Variants in SEMA6D observed in about 807,000 individuals in gnomAD.
The protein encoded by SEMA6D is semaphorin 6D.
A neutral mutation model predicts 106.6 loss-of-function variants in SEMA6D; 35 were observed. The observed-to-expected ratio is 0.33, with a 90% CI of 0.25 to 0.44. The LOEUF is 0.44. Ranked by LOEUF, SEMA6D falls within the 20% of genes least tolerant of loss-of-function variation. The pLI is 1.00. For missense variants in SEMA6D, 1,185 were observed against 1,345.9 expected (o/e 0.88, Z 1.87); for synonymous variants, 499 against 487.7 (o/e 1.02, Z -0.31).
intron 1 of SEMA6D, among the ~76,000 whole-genome samples, chr15:47,252,600 A>G (rs1238179273): frequency 6.6e-6 from 1 of 152,216 alleles, no homozygotes; most frequent in Non-Finnish European, 1.5e-5. Context: ...CTGTAGTTAC[A>G]TAAGATCAAC....
At chr15:47,758,318 T>C (rs1159182078) in intron 1 of SEMA6D, among the ~76,000 whole-genome samples, 2 of 152,304 alleles carry the variant, frequency 1.3e-5, no homozygotes, top group East Asian at 3.9e-4. Flanking sequence ...GGTTTAGTGG[T>C]TGGACTCCCC....
At position 47,639,743 on chromosome 15, in the gene SEMA6D, C is replaced by T. The variant is rs540492308; in HGVS notation, c.-55+38847C>T. On this transcript the variant is annotated intron_variant, in intron 4 of 19. Coordinates refer to the SEMA6D transcript ENST00000558014. ...CAGTCTTCCTCTCAATAACCCATAA[C>T]CCTAGTCTTATCATGAGAAAAACAT... Among the ~76,000 whole-genome samples, 31 of 152,250 alleles carry T rather than the reference C, an allele frequency of 2.0e-4. No homozygotes were observed. The South Asian group carries it at 6.4e-3, about 32-fold the overall frequency.
intron 2 of SEMA6D, among the ~76,000 whole-genome samples, chr15:47,419,101 A>G (rs575481338): frequency 3.7e-4 from 57 of 152,272 alleles, no homozygotes; most frequent in African/African-American, 1.2e-3. Context: ...TCTCAGAGAC[A>G]CAGAGAGTGA....
intron 1 of SEMA6D, among the ~76,000 whole-genome samples, chr15:47,236,293 GGATCACA>G (rs2032536155): frequency 6.6e-6 from 1 of 152,022 alleles, no homozygotes; most frequent in South Asian, 2.1e-4. Flanking sequence ...CTTGATAAAT[GGATCACA>G]CCCACTGGGC....
chr15:47,311,933 G>C (rs559581970), intron 1 of SEMA6D, among the ~76,000 whole-genome samples: 63 of 152,254 alleles, frequency 4.1e-4, no homozygotes, highest in African/African-American at 1.5e-3. Context: ...CTGAAGCTCT[G>C]TGTAAGGAGA....
At position 47,225,519 on chromosome 15, in the gene SEMA6D, G is replaced by GT. The variant is rs71118160; in HGVS notation, c.-239+41128dup. Among the ~76,000 whole-genome samples, 139 of 92,380 alleles carry GT rather than the reference G, an allele frequency of 1.5e-3. 4 individuals are homozygous for GT. The highest frequency in any genetic ancestry group is 2.1e-3 in the Non-Finnish European group (108 of 51,368). 60.6% of individuals were successfully genotyped at this position (92,380 alleles called of 152,430 possible). A position where few individuals can be genotyped will look rare whatever the true frequency, so the allele number is the denominator to read the frequency against. Reference sequence around the variant, plus strand: ...ATCGGGTGTTTTTTTCTTGTTGAGGGTTTTTTTTTTTTTTTTTTTTTTTTT... The same window carrying GT: ...ATCGGGTGTTTTTTTCTTGTTGAGGGTTTTTTTTTTTTTTTTTTTTTTTTTT... On this transcript the variant is annotated intron_variant, in intron 1 of 19. Coordinates refer to the SEMA6D transcript ENST00000558014.
intron 4 of SEMA6D, among the ~76,000 whole-genome samples, chr15:47,621,469 GGAA>G (rs1398236506): frequency 6.6e-6 from 1 of 152,078 alleles, no homozygotes; most frequent in African/African-American, 2.4e-5. Flanking sequence ...TCCTTGGCAA[GGAA>G]GTCTAAACCT....
In SEMA6D at chr15:47,585,063, G is replaced by A. The variant is rs189397907; in HGVS notation, c.-86-15802G>A. Among the ~76,000 whole-genome samples, 53 of 152,230 alleles carry A rather than the reference G, an allele frequency of 3.5e-4. No homozygotes were observed. The East Asian group carries it at 7.0e-3, about 20-fold the overall frequency. The stretch of plus-strand genomic sequence containing the variant: ...CTGCCTATCTTAATACAAAAGCACT[G>A]GTGAAATTGCTTTAATGCTTTGTTT... On this transcript the variant is annotated intron_variant, in intron 3 of 19. Coordinates refer to the SEMA6D transcript ENST00000558014.
At chr15:47,561,648 A>G (rs1223426838) in intron 3 of SEMA6D, among the ~76,000 whole-genome samples, 2 of 151,364 alleles carry the variant, frequency 1.3e-5, no homozygotes, top group Non-Finnish European at 1.5e-5. Flanking sequence ...GTGTTTTTCA[A>G]TTTTTTAAGG....
chr15:47,331,824 GAC>G (rs2037354767), intron 1 of SEMA6D, among the ~76,000 whole-genome samples: 1 of 152,158 alleles, frequency 6.6e-6, no homozygotes, highest in Admixed American at 6.5e-5. Flanking sequence ...TATGAGAAGA[GAC>G]AGCATAGAAA....
At chr15:47,532,907 C>T (rs968572933) in intron 3 of SEMA6D, among the ~76,000 whole-genome samples, 1 of 152,066 alleles carries the variant, frequency 6.6e-6, no homozygotes, top group Non-Finnish European at 1.5e-5. Context: ...GTGTATACCA[C>T]CCAGCACAGT....
At chr15:47,415,923 A>G (rs1041876508) in intron 2 of SEMA6D, among the ~76,000 whole-genome samples, 2 of 152,206 alleles carry the variant, frequency 1.3e-5, no homozygotes, top group Admixed American at 6.5e-5. Context: ...CTCCCAGTTC[A>G]TGTACTAATG....
At chr15:47,741,942 C>G (rs945702762) in intron 1 of SEMA6D, among the ~76,000 whole-genome samples, 5 of 152,204 alleles carry the variant, frequency 3.3e-5, no homozygotes, top group Admixed American at 6.5e-5. Context: ...ATAGAGTGTC[C>G]TGCGAGGAGA....
intron 3 of SEMA6D, among the ~76,000 whole-genome samples, chr15:47,554,982 G>C (rs1184688801): frequency 6.6e-6 from 1 of 152,128 alleles, no homozygotes; most frequent in African/African-American, 2.4e-5. Context: ...AAATATCTTT[G>C]CATGCCGTAA....
At position 47,303,498 on chromosome 15, in the gene SEMA6D, C is replaced by G. The variant is rs559246381; in HGVS notation, c.-238-108895C>G. ...CATCAACCTATTTAAAATCATGCAC[C>G]GTTTCTTGTTTTGCCTTCCTCTGTG... On this transcript the variant is annotated intron_variant, in intron 1 of 19. Coordinates refer to the SEMA6D transcript ENST00000558014. Among the ~76,000 whole-genome samples, 63 of 152,236 alleles carry G rather than the reference C, an allele frequency of 4.1e-4. 1 individual carries two copies. In the South Asian group the frequency reaches 0.013, roughly 31 times the overall value.
chr15:47,454,064 G>C (rs1011126578), intron 2 of SEMA6D, among the ~76,000 whole-genome samples: 1 of 151,892 alleles, frequency 6.6e-6, no homozygotes, highest in Non-Finnish European at 1.5e-5. Context: ...CCTGTGGTGT[G>C]GTTGGTGGAG....
Position 47,255,588 on chromosome 15 carries a change from C to A in SEMA6D, c.-239+71170C>A, listed in dbSNP as rs904786188. On this transcript the variant is annotated intron_variant, in intron 1 of 19. Coordinates refer to the SEMA6D transcript ENST00000558014. Reference sequence around the variant, plus strand: ...TTTCTTTATATATTTTGATATTAGTCATCATATATGTGTGTTGTAATTATT... The same window carrying A: ...TTTCTTTATATATTTTGATATTAGTAATCATATATGTGTGTTGTAATTATT... Among the ~76,000 whole-genome samples the A allele has an allele frequency of 6.6e-5, 10 of 151,840 alleles. No homozygotes were observed. In the East Asian group the frequency reaches 1.9e-3, roughly 29 times the overall value.
intron 3 of SEMA6D, among the ~76,000 whole-genome samples, chr15:47,593,056 C>G (rs12324705): frequency 6.6e-6 from 1 of 152,044 alleles, no homozygotes; most frequent in Non-Finnish European, 1.5e-5. Flanking sequence ...GTCCTTGACT[C>G]TAACTTGGTC....
chr15:47,330,855 G>C (rs954699760), intron 1 of SEMA6D, among the ~76,000 whole-genome samples: 1 of 152,072 alleles, frequency 6.6e-6, no homozygotes, highest in Non-Finnish European at 1.5e-5. Context: ...TGTGAGAGTC[G>C]CTGCTTATAG....
Sources: allele counts gnomAD v4.1 joint callset (sites outside exome capture counted in the v4.1 genomes callset), GRCh38; gene constraint gnomAD v4.1.1; transcripts MANE v1.5; gene names NCBI Gene and HGNC (gene_info 2026-07-23, HGNC 2026-07-21).